The following KCNJ10 variants were observed in gnomAD, a reference collection of about 807,000 sequenced individuals.
The protein encoded by KCNJ10 is potassium inwardly rectifying channel subfamily J member 10.
Under a neutral mutation model 22.2 loss-of-function variants are expected in KCNJ10, and 9 were observed. That is an observed-to-expected ratio of 0.40 (90% CI 0.24 to 0.71). The LOEUF (loss-of-function observed/expected upper bound fraction) is 0.71, where lower values mean the gene tolerates loss of function less well. Ranked by LOEUF, KCNJ10 falls within the 30% of genes least tolerant of loss-of-function variation. The probability of loss-of-function intolerance (pLI) is 0.35; values close to 1 mark genes in which losing one functional copy is unlikely to be tolerated. For missense variants in KCNJ10, 337 were observed against 482.7 expected (o/e 0.70, Z 2.83); for synonymous variants, 184 against 187.3 (o/e 0.98, Z 0.15).
chr1:160,055,758 C>A (rs914435529), intron 1 of KCNJ10, among the ~76,000 whole-genome samples: 5 of 152,146 alleles, frequency 3.3e-5, no homozygotes, highest in Non-Finnish European at 7.3e-5. Context: ...TTTGGATCAT[C>A]TCTCTTGCTG....
chr1:160,043,432 C>T (rs1212999863), intron 1 of KCNJ10, among the ~76,000 whole-genome samples: 1 of 152,236 alleles, frequency 6.6e-6, no homozygotes, highest in Admixed American at 6.5e-5. Context: ...CTTCAAGATG[C>T]TCCCTAAGCA....
chr1:160,042,645 C>T, intron 1 of KCNJ10, 113 bp from the exon 2 acceptor site: 1 of 978,770 alleles, frequency 1.0e-6, no homozygotes, highest in Non-Finnish European at 1.6e-6. Context: ...CTTATGTGTT[C>T]TTGTCTTACC....
chr1:160,057,250 C>T (rs1649063714), intron 1 of KCNJ10, among the ~76,000 whole-genome samples: 2 of 152,320 alleles, frequency 1.3e-5, no homozygotes, highest in East Asian at 3.9e-4. Flanking sequence ...GGTTCAGAGA[C>T]ATAAAGTCAC....
At chr1:160,064,653 C>T (rs1201832357) in intron 1 of KCNJ10, 3 of 152,214 alleles carry the variant, frequency 2.0e-5, no homozygotes, top group Admixed American at 6.5e-5. Context: ...GTCCTGAGGT[C>T]AAAAAGTTTA....
At chr1:160,045,372 G>T (rs1213168822) in intron 1 of KCNJ10, among the ~76,000 whole-genome samples, 2 of 152,194 alleles carry the variant, frequency 1.3e-5, no homozygotes, top group African/African-American at 4.8e-5. Context: ...GATAGCAAAT[G>T]CAAGAGCTGG....
intron 1 of KCNJ10, among the ~76,000 whole-genome samples, chr1:160,069,664 G>A (rs940738732): frequency 6.6e-6 from 1 of 152,176 alleles, no homozygotes; most frequent in African/African-American, 2.4e-5. Flanking sequence ...GGGGAGGAGG[G>A]CGCACTGTCT....
At chr1:160,056,499 T>A (rs1471273888) in intron 1 of KCNJ10, among the ~76,000 whole-genome samples, 1 of 152,136 alleles carries the variant, frequency 6.6e-6, no homozygotes, top group Non-Finnish European at 1.5e-5. Context: ...AAGACTCCCC[T>A]CCAGACTGCT....
In KCNJ10 at chr1:160,040,420, G is replaced by T. The variant is rs1454761483; in HGVS notation, c.*973C>A. ...CCCTCCCTTCTCCCAAAGAGTTGGG[G>T]TTAAGGAAGAAGGATCTAGGCTGAG... On this transcript the variant is annotated 3_prime_UTR_variant, in exon 2 of 2. Coordinates refer to ENST00000644903, the MANE Select transcript of KCNJ10 (RefSeq NM_002241.5). The T allele has an allele frequency of 7.5e-6, 3 of 397,714 alleles. No individual in the cohort carries two copies. The highest frequency in any genetic ancestry group is 1.3e-5 in the Non-Finnish European group (3 of 225,542). 24.6% of individuals were successfully genotyped at this position (397,714 alleles called of 1,614,324 possible).
intron 1 of KCNJ10, among the ~76,000 whole-genome samples, chr1:160,047,347 A>G (rs971249264): frequency 1.5e-4 from 23 of 152,176 alleles, no homozygotes; most frequent in Non-Finnish European, 2.9e-5. Flanking sequence ...ACCTCCTCCC[A>G]GGGACAGCAG....
At chr1:160,044,472 T>C (rs1304851337) in intron 1 of KCNJ10, among the ~76,000 whole-genome samples, 2 of 152,048 alleles carry the variant, frequency 1.3e-5, no homozygotes, top group East Asian at 3.8e-4. Flanking sequence ...AAAAAAAAGA[T>C]GTAAACTCCT....
chr1:160,056,411 T>C (rs1180305409), intron 1 of KCNJ10, among the ~76,000 whole-genome samples: 1 of 152,226 alleles, frequency 6.6e-6, no homozygotes, highest in African/African-American at 2.4e-5. Context: ...ACGTGAAACA[T>C]AGCCTGTGCT....
rs746547649 is a variant in KCNJ10, at chr1:160,041,795, G to A, written c.738C>T (p.Ser246=). 1 of 1,614,200 alleles carries A rather than the reference G, an allele frequency of 6.2e-7. No individual in the cohort carries two copies. The highest frequency in any genetic ancestry group is 8.5e-7 in the Non-Finnish European group (1 of 1,180,034). The change falls in exon 2 of 2, where the codon AGC becomes AGT. Residue 246 remains serine (S), a synonymous_variant. Coordinates refer to ENST00000644903, the MANE Select transcript of KCNJ10 (RefSeq NM_002241.5). The surrounding 1 kb of genome is among the most constrained non-coding windows in gnomAD (Gnocchi z 4.4). ...AGGTAAGGGGTAGAATAAGGAAGGG[G>A]CTGTCAGAGGCTGTGTCTACTTGGA... ...VTFQVDTASD[S]PFLILPLTFY... is the part of the protein sequence containing the mutation.
At chr1:160,044,389 T>C (rs1011888783) in intron 1 of KCNJ10, among the ~76,000 whole-genome samples, 2 of 152,100 alleles carry the variant, frequency 1.3e-5, no homozygotes, top group Non-Finnish European at 2.9e-5. Flanking sequence ...ATAACAACCA[T>C]ACTGCCTGTA....
chr1:160,046,929 C>A (rs1648755520), intron 1 of KCNJ10, among the ~76,000 whole-genome samples: 1 of 152,190 alleles, frequency 6.6e-6, no homozygotes, highest in Non-Finnish European at 1.5e-5. Context: ...ATTCTGAAGA[C>A]CAGCCTGAGT....
At chr1:160,059,025 G>A (rs187266507) in intron 1 of KCNJ10, among the ~76,000 whole-genome samples, 41 of 152,278 alleles carry the variant, frequency 2.7e-4, no homozygotes, top group Non-Finnish European at 4.0e-4. Context: ...CAGGCTTTAC[G>A]GTGCGCCAGG....
At chr1:160,048,370 A>G (rs1223755339) in intron 1 of KCNJ10, among the ~76,000 whole-genome samples, 1 of 125,096 alleles carries the variant, frequency 8.0e-6, no homozygotes, top group Non-Finnish European at 1.7e-5. Flanking sequence ...AAAGCCCAAG[A>G]TATCAGTCCC....
At chr1:160,048,152 T>A (rs115622206) in intron 1 of KCNJ10, among the ~76,000 whole-genome samples, 147 of 152,372 alleles carry the variant, frequency 9.6e-4, no homozygotes, top group African/African-American at 3.1e-3. Flanking sequence ...GCCTTTCATC[T>A]GTTTCCCCAG....
chr1:160,056,408 A>C (rs867532767), intron 1 of KCNJ10, among the ~76,000 whole-genome samples: 3 of 152,186 alleles, frequency 2.0e-5, no homozygotes, highest in Non-Finnish European at 2.9e-5. Context: ...GCCACGTGAA[A>C]CATAGCCTGT....
chr1:160,058,406 G>A (rs569049926), intron 1 of KCNJ10, among the ~76,000 whole-genome samples: 1 of 152,198 alleles, frequency 6.6e-6, no homozygotes, highest in Non-Finnish European at 1.5e-5. Context: ...GAGTGCCTCA[G>A]TGATAAAATC....
Sources: gnomAD v4.1 joint callset for allele counts (sites outside exome capture counted in the v4.1 genomes callset) on GRCh38, gnomAD v4.1.1 for gene constraint, Gnocchi (gnomAD v3.1) non-coding constraint, MANE v1.5 for transcripts, NCBI Gene and HGNC (gene_info 2026-07-23, HGNC 2026-07-21) for gene names.